Variants in GRIN2A observed in about 807,000 individuals in gnomAD.
GRIN2A encodes the protein glutamate receptor ionotropic, NMDA 2A.
A neutral mutation model predicts 113.4 loss-of-function variants in GRIN2A; 22 were observed. The ratio of observed to expected loss-of-function variants is 0.19; its 90% confidence interval spans 0.14 to 0.28. GRIN2A has a LOEUF of 0.28. Among genes scored for constraint, GRIN2A ranks in the 10% least tolerant of loss-of-function variants. GRIN2A has a pLI of 1.00. For missense variants in GRIN2A, 1,502 were observed against 1,887.0 expected (o/e 0.80, Z 3.78); for synonymous variants, 827 against 738.4 (o/e 1.12, Z -1.94).
In GRIN2A at chr16:10,003,706, T is replaced by C. The variant is rs530229254; in HGVS notation, c.415-65155A>G. Among the ~76,000 whole-genome samples, 32 of 152,268 alleles carry C rather than the reference T, an allele frequency of 2.1e-4. No homozygotes were observed. The South Asian group carries it at 2.9e-3, about 14-fold the overall frequency. On this transcript the variant is annotated intron_variant, in intron 2 of 12. Coordinates refer to ENST00000330684, the MANE Select transcript of GRIN2A (RefSeq NM_001134407.3). The stretch of plus-strand genomic sequence containing the variant: ...CACAGTAATTAGAGGCAGAGCCACA[T>C]GGAGTCTAGATGAGGCCATGTCGGC...
At chr16:9,819,921 C>CAAA (rs71157787) in intron 10 of GRIN2A, among the ~76,000 whole-genome samples, 4 of 63,652 alleles carry the variant, frequency 6.3e-5, no homozygotes, top group Non-Finnish European at 8.7e-5. Context: ...AACTCCGTCT[C>CAAA]AAAAAAAAAA....
intron 3 of GRIN2A, among the ~76,000 whole-genome samples, chr16:9,915,846 TTTG>T (rs1246887861): frequency 6.6e-6 from 1 of 152,198 alleles, no homozygotes. Context: ...ACATGACAGG[TTTG>T]TTGTGAGAAT....
At chr16:10,077,907 C>A (rs567430336) in intron 2 of GRIN2A, among the ~76,000 whole-genome samples, 2 of 152,168 alleles carry the variant, frequency 1.3e-5, no homozygotes, top group Non-Finnish European at 1.5e-5. Flanking sequence ...TTATCTCTGA[C>A]GTTTCTTGTC....
intron 2 of GRIN2A, among the ~76,000 whole-genome samples, chr16:10,107,822 T>C (rs896045249): frequency 6.6e-6 from 1 of 152,200 alleles, no homozygotes; most frequent in African/African-American, 2.4e-5. Flanking sequence ...AGAATCCATT[T>C]CACAGGCATT....
chr16:9,982,651 T>C (rs1469642125), intron 2 of GRIN2A, among the ~76,000 whole-genome samples: 3 of 152,234 alleles, frequency 2.0e-5, no homozygotes, highest in Non-Finnish European at 2.9e-5. Context: ...TCACGGATTT[T>C]ATGTATTTCA....
intron 3 of GRIN2A, 139 bp from the exon 4 acceptor site, chr16:9,891,239 A>G: frequency 1.5e-6 from 1 of 687,562 alleles, no homozygotes; most frequent in Non-Finnish European, 2.7e-6. Flanking sequence ...GCCTCTCTGC[A>G]GAAGTATTAA....
chr16:10,086,230 C>T (rs2048083053), intron 2 of GRIN2A, among the ~76,000 whole-genome samples: 2 of 152,162 alleles, frequency 1.3e-5, no homozygotes, highest in African/African-American at 4.8e-5. Context: ...TGTTGGTGGT[C>T]CCTATCCAGA....
intron 12 of GRIN2A, among the ~76,000 whole-genome samples, chr16:9,765,264 G>A (rs755601340): frequency 6.6e-6 from 1 of 152,248 alleles, no homozygotes; most frequent in Middle Eastern, 3.4e-3. Flanking sequence ...TGGCATATAA[G>A]AACAGATAAC....
intron 2 of GRIN2A, among the ~76,000 whole-genome samples, chr16:10,123,390 T>C (rs2048869718): frequency 1.3e-5 from 2 of 152,160 alleles, no homozygotes; most frequent in African/African-American, 4.8e-5. Context: ...TTTATTTTTG[T>C]TGAAAATACT....
intron 2 of GRIN2A, among the ~76,000 whole-genome samples, chr16:10,166,336 C>T (rs896314878): frequency 6.6e-6 from 1 of 152,130 alleles, no homozygotes; most frequent in African/African-American, 2.4e-5. Context: ...GCTTTCAAGA[C>T]CACTCAAGAC....
intron 2 of GRIN2A, among the ~76,000 whole-genome samples, chr16:9,977,950 C>T (rs1199968264): frequency 6.6e-6 from 1 of 152,140 alleles, no homozygotes; most frequent in Admixed American, 6.5e-5. Flanking sequence ...AGAAAAAGAT[C>T]TTGGGCAAGA....
intron 2 of GRIN2A, among the ~76,000 whole-genome samples, chr16:10,138,626 C>T (rs375994224): frequency 3.8e-4 from 58 of 152,194 alleles, no homozygotes; most frequent in African/African-American, 1.3e-3. Flanking sequence ...TGGGTGGGGA[C>T]GCAGAGCCAA....
intron 2 of GRIN2A, among the ~76,000 whole-genome samples, chr16:10,103,260 T>C (rs1236599917): frequency 6.6e-6 from 1 of 152,128 alleles, no homozygotes; most frequent in Non-Finnish European, 1.5e-5. Context: ...GCTAAGCTGA[T>C]GTATCACAGC....
chr16:9,845,297 C>G (rs1212532891), intron 5 of GRIN2A, among the ~76,000 whole-genome samples: 3 of 152,190 alleles, frequency 2.0e-5, no homozygotes, highest in Non-Finnish European at 2.9e-5. Context: ...TTCTCTTCCT[C>G]ATACAAATGT....
intron 2 of GRIN2A, among the ~76,000 whole-genome samples, chr16:10,176,423 T>A (rs1420214216): frequency 6.6e-6 from 1 of 152,158 alleles, no homozygotes; most frequent in East Asian, 1.9e-4. Flanking sequence ...TGCATGACAT[T>A]TCAATTGTTA....
intron 2 of GRIN2A, among the ~76,000 whole-genome samples, chr16:10,140,545 A>G (rs891430502): frequency 6.6e-6 from 1 of 152,192 alleles, no homozygotes; most frequent in African/African-American, 2.4e-5. Context: ...GGTTTTCTCT[A>G]GTCCAGAAAA....
intron 3 of GRIN2A, among the ~76,000 whole-genome samples, chr16:9,925,329 C>T (rs2044440254): frequency 6.6e-6 from 1 of 152,202 alleles, no homozygotes; most frequent in South Asian, 2.1e-4. Flanking sequence ...GGCTAACCCT[C>T]ACTCCACGTG....
At chr16:9,941,412 G>A (rs954988531) in intron 2 of GRIN2A, among the ~76,000 whole-genome samples, 5 of 152,230 alleles carry the variant, frequency 3.3e-5, no homozygotes, top group African/African-American at 9.6e-5. Context: ...ACTTCCTCAG[G>A]AGAAAGATAA....
intron 2 of GRIN2A, among the ~76,000 whole-genome samples, chr16:10,146,276 C>A (rs550760715): frequency 1.3e-5 from 2 of 152,142 alleles, no homozygotes; most frequent in Non-Finnish European, 2.9e-5. Context: ...TGCTACCACG[C>A]CCGACTAATT....
Sources: allele counts gnomAD v4.1 joint callset (sites outside exome capture counted in the v4.1 genomes callset), GRCh38; gene constraint gnomAD v4.1.1; transcripts MANE v1.5; gene names NCBI Gene and HGNC (gene_info 2026-07-23, HGNC 2026-07-21).